ZBTB20: variants seen among roughly 807,000 people sequenced by gnomAD.
ZBTB20 encodes zinc finger and BTB domain-containing protein 20.
Under a neutral mutation model 56.9 loss-of-function variants are expected in ZBTB20, and 9 were observed. The observed-to-expected ratio is 0.16, with a 90% CI of 0.10 to 0.28. The LOEUF (loss-of-function observed/expected upper bound fraction) is 0.28, where lower values mean the gene tolerates loss of function less well. ZBTB20 is among the 10% of genes least tolerant of loss of function. The probability of loss-of-function intolerance (pLI) is 1.00; values close to 1 mark genes in which losing one functional copy is unlikely to be tolerated. For synonymous variants in ZBTB20, 417 were observed against 420.7 expected (o/e 0.99, Z 0.11); for missense variants, 655 against 1,003.0 (o/e 0.65, Z 4.69).
chr3:114,700,543 A>C (rs1418582016), intron 5 of ZBTB20, among the ~76,000 whole-genome samples: 1 of 152,024 alleles, frequency 6.6e-6, no homozygotes, highest in African/African-American at 2.4e-5. Context: ...CAGACCACTC[A>C]TTTTCCACTA....
chr3:114,854,861 C>T (rs563439993), intron 4 of ZBTB20, among the ~76,000 whole-genome samples: 2 of 152,302 alleles, frequency 1.3e-5, no homozygotes, highest in South Asian at 4.1e-4. Context: ...AATCATTTCA[C>T]TTTTTTTCTA....
chr3:114,998,666 G>A (rs2079122500), intron 2 of ZBTB20, among the ~76,000 whole-genome samples: 1 of 151,710 alleles, frequency 6.6e-6, no homozygotes, highest in African/African-American at 2.4e-5. Context: ...AACTGAATGT[G>A]GTAGTCAGGA....
At chr3:114,544,422 TTTCTTTCTTTC>T (rs1194026512) in intron 6 of ZBTB20, among the ~76,000 whole-genome samples, 1 of 50,080 alleles carries the variant, frequency 2.0e-5, no homozygotes, top group Admixed American at 2.0e-4. Flanking sequence ...TCTTTCTTTC[TTTCTTTCTTTC>T]TTTCTTTCTT....
intron 2 of ZBTB20, among the ~76,000 whole-genome samples, chr3:114,980,454 C>T (rs2078280470): frequency 6.6e-6 from 1 of 151,738 alleles, no homozygotes; most frequent in Non-Finnish European, 1.5e-5. Flanking sequence ...TTTTAAAATA[C>T]CAAGGTAAAT....
At chr3:114,720,063 T>A (rs1010461598) in intron 5 of ZBTB20, among the ~76,000 whole-genome samples, 13 of 150,240 alleles carry the variant, frequency 8.7e-5, no homozygotes, top group Non-Finnish European at 1.8e-4. Context: ...GAGAAATAAT[T>A]CTTACATATA....
At chr3:114,857,361 TA>T (rs2107462069) in intron 4 of ZBTB20, among the ~76,000 whole-genome samples, 1 of 152,302 alleles carries the variant, frequency 6.6e-6, no homozygotes, top group East Asian at 1.9e-4. Flanking sequence ...TCTGGCACGG[TA>T]AAACACTGGC....
chr3:115,077,613 T>C (rs2082641988), intron 1 of ZBTB20, among the ~76,000 whole-genome samples: 1 of 152,216 alleles, frequency 6.6e-6, no homozygotes, highest in South Asian at 2.1e-4. Flanking sequence ...GACATACAAA[T>C]GGCCAAGAGA....
At chr3:114,790,079 G>C (rs2070829876) in intron 5 of ZBTB20, among the ~76,000 whole-genome samples, 1 of 152,032 alleles carries the variant, frequency 6.6e-6, no homozygotes, top group Non-Finnish European at 1.5e-5. Flanking sequence ...AATATTTGTT[G>C]ATTAAATGAA....
chr3:114,594,340 C>T (rs936790448), intron 6 of ZBTB20, among the ~76,000 whole-genome samples: 5 of 148,242 alleles, frequency 3.4e-5, no homozygotes, highest in Admixed American at 2.7e-4. Context: ...GATCTCAGCT[C>T]ACTGCAACCT....
chr3:114,667,788 T>C (rs919036475), intron 6 of ZBTB20, among the ~76,000 whole-genome samples: 1 of 152,036 alleles, frequency 6.6e-6, no homozygotes, highest in African/African-American at 2.4e-5. Context: ...AAATAAAGTC[T>C]GATTTATTTA....
In ZBTB20 at chr3:114,339,603, T is replaced by C. The variant is rs1034930239; in HGVS notation, c.1805-177A>G. ...AAATCCAGGCCCTCCTAGCCTCTCA[T>C]GTGCAGAGAAATTTTGCTTTATGGT... On this transcript the variant is annotated intron_variant, in intron 11 of 11. Transcript: ENST00000675478. This position sits in a 1 kb window ranked among gnomAD's most constrained non-coding sequence, Gnocchi z 4.2. Among the ~76,000 whole-genome samples the C allele has an allele frequency of 6.6e-6, 1 of 152,244 alleles. No homozygotes were observed. The highest frequency in any genetic ancestry group is 2.4e-5 in the African/African-American group (1 of 41,452).
chr3:114,395,019 C>T (rs1234469041), intron 7 of ZBTB20, among the ~76,000 whole-genome samples: 1 of 152,046 alleles, frequency 6.6e-6, no homozygotes, highest in Non-Finnish European at 1.5e-5. Flanking sequence ...AACACCTTCC[C>T]TCTGAGAAAT....
chr3:114,593,372 CT>C (rs755115912), intron 6 of ZBTB20, among the ~76,000 whole-genome samples: 36 of 145,894 alleles, frequency 2.5e-4, no homozygotes, highest in Non-Finnish European at 3.9e-4. Flanking sequence ...TTTTTTTGTT[CT>C]TTTTTCTTTT....
chr3:115,144,384 C>G (rs2107360050), intron 1 of ZBTB20, among the ~76,000 whole-genome samples: 1 of 152,180 alleles, frequency 6.6e-6, no homozygotes, highest in Middle Eastern at 3.4e-3. Context: ...CTTCTGAAAA[C>G]TTTCACTAAT....
intron 5 of ZBTB20, among the ~76,000 whole-genome samples, chr3:114,734,555 T>C (rs915377926): frequency 3.3e-5 from 5 of 152,152 alleles, no homozygotes; most frequent in Non-Finnish European, 7.3e-5. Flanking sequence ...GACTAATTGA[T>C]ATAAATAAGA....
chr3:114,517,701 T>A (rs1358017968), intron 6 of ZBTB20, among the ~76,000 whole-genome samples: 1 of 151,756 alleles, frequency 6.6e-6, no homozygotes, highest in East Asian at 1.9e-4. Context: ...TCAGCCTCCC[T>A]AGTAGCTGGG....
intron 7 of ZBTB20, among the ~76,000 whole-genome samples, chr3:114,452,016 T>C (rs948735199): frequency 6.6e-6 from 1 of 151,504 alleles, no homozygotes; most frequent in Non-Finnish European, 1.5e-5. Flanking sequence ...TCCCAGTCCC[T>C]CTGCCCCTTT....
intron 7 of ZBTB20, among the ~76,000 whole-genome samples, chr3:114,391,420 A>G (rs2085866789): frequency 6.6e-6 from 1 of 152,172 alleles, no homozygotes; most frequent in Non-Finnish European, 1.5e-5. Context: ...CAATGTCTAC[A>G]TGTAGCTTCT....
In ZBTB20 at chr3:114,315,091, GAACA is replaced by G. The variant is rs1227625417; in HGVS notation, c.*23910_*23913del. On this transcript the variant is annotated 3_prime_UTR_variant, in exon 12 of 12. Transcript: ENST00000675478. Reference sequence around the variant, plus strand: ...TAAGAGTATAATGAGAAAAAAAAAGGAACAAACTCCCTCTCAAAACTATTGACCT... The same window carrying G: ...TAAGAGTATAATGAGAAAAAAAAAGGAACTCCCTCTCAAAACTATTGACCT... 1 of 152,060 alleles carries G rather than the reference GAACA, an allele frequency of 6.6e-6. No homozygotes were observed. Among genetic ancestry groups the G allele is most frequent in the Non-Finnish European group, 1.5e-5 (1 of 67,994 alleles). The allele number at this position is 152,060 out of a possible 1,614,324, so 9.4% of individuals were successfully genotyped here. A position where few individuals can be genotyped will look rare whatever the true frequency, so the allele number is the denominator to read the frequency against.
Sources: allele counts gnomAD v4.1 joint callset (sites outside exome capture counted in the v4.1 genomes callset), GRCh38; gene constraint gnomAD v4.1.1; non-coding constraint Gnocchi (gnomAD v3.1); transcripts MANE v1.5; gene names NCBI Gene and HGNC (gene_info 2026-07-23, HGNC 2026-07-21).